Variants in RAD50 observed in about 807,000 individuals in gnomAD.
RAD50 encodes RAD50 double strand break repair protein.
Under a neutral mutation model 168.8 loss-of-function variants are expected in RAD50, and 132 were observed. The ratio of observed to expected loss-of-function variants is 0.78; its 90% confidence interval spans 0.68 to 0.90. The LOEUF (loss-of-function observed/expected upper bound fraction) is 0.90. Among genes scored for constraint, RAD50 ranks in the 40% least tolerant of loss-of-function variants. The probability of loss-of-function intolerance (pLI) is 0.00; values close to 1 mark genes in which losing one functional copy is unlikely to be tolerated. For missense variants in RAD50, 1,347 were observed against 1,534.4 expected (o/e 0.88, Z 2.04); for synonymous variants, 525 against 497.4 (o/e 1.06, Z -0.74).
At chr5:132,575,974 T>G (rs1750392723) in intron 3 of RAD50, 46 bp downstream of exon 3, 1 of 1,529,450 alleles carries the variant, frequency 6.5e-7, no homozygotes, top group Admixed American at 1.8e-5. Context: ...TTTCAGTCTT[T>G]TAGGTCTGTA....
intron 14 of RAD50, 79 bp from the exon 15 acceptor site, chr5:132,603,838 AATG>A (rs1487529286): frequency 9.5e-6 from 12 of 1,269,386 alleles, no homozygotes; most frequent in South Asian, 2.7e-5. Context: ...TTAAAAAATA[AATG>A]ATAAGAGCAA....
At chr5:132,585,053 C>A (rs1750571831) in intron 5 of RAD50, among the ~76,000 whole-genome samples, 2 of 152,072 alleles carry the variant, frequency 1.3e-5, no homozygotes, top group African/African-American at 4.8e-5. Flanking sequence ...ACATATGTAA[C>A]AAACCTGCAT....
intron 12 of RAD50, 111 bp from the exon 13 acceptor site, chr5:132,595,462 T>C (rs1039070228): frequency 1.5e-6 from 1 of 656,482 alleles, no homozygotes; most frequent in African/African-American, 1.9e-5. Flanking sequence ...TTATAATATA[T>C]TTATAAAGCA....
intron 1 of RAD50, among the ~76,000 whole-genome samples, chr5:132,558,579 C>T (rs1032244601): frequency 3.3e-5 from 5 of 151,874 alleles, no homozygotes; most frequent in African/African-American, 7.3e-5. Flanking sequence ...GGCGTGGTGG[C>T]GCATGCCTGT....
At chr5:132,597,143 C>T (rs1750805410) in intron 13 of RAD50, among the ~76,000 whole-genome samples, 1 of 152,000 alleles carries the variant, frequency 6.6e-6, no homozygotes, top group Admixed American at 6.6e-5. Context: ...CTGAAACAGG[C>T]TGAGAAAAGC....
At chr5:132,571,286 G>T (rs988352587) in intron 2 of RAD50, among the ~76,000 whole-genome samples, 1 of 152,130 alleles carries the variant, frequency 6.6e-6, no homozygotes, top group Non-Finnish European at 1.5e-5. Flanking sequence ...TAGATGCAGG[G>T]TTGCCACAAA....
At chr5:132,579,148 A>G (rs1202208476) in intron 3 of RAD50, among the ~76,000 whole-genome samples, 169 bp from the exon 4 acceptor site, 1 of 152,148 alleles carries the variant, frequency 6.6e-6, no homozygotes, top group African/African-American at 2.4e-5. Flanking sequence ...GTGAACCGTT[A>G]AATAGTTTAA....
At chr5:132,634,613 A>G (rs1027801641) in intron 21 of RAD50, among the ~76,000 whole-genome samples, 4 of 152,098 alleles carry the variant, frequency 2.6e-5, no homozygotes, top group Non-Finnish European at 5.9e-5. Flanking sequence ...AGCAGCCATA[A>G]TAGGAGGCAT....
intron 19 of RAD50, among the ~76,000 whole-genome samples, chr5:132,609,654 C>T (rs1415861593): frequency 3.3e-5 from 5 of 152,046 alleles, no homozygotes; most frequent in Admixed American, 3.3e-4. Context: ...TGGCGGCGCG[C>T]ACCTGTAGTC....
intron 16 of RAD50, among the ~76,000 whole-genome samples, chr5:132,607,754 A>T (rs901111056): frequency 2.0e-5 from 3 of 152,204 alleles, no homozygotes; most frequent in Non-Finnish European, 4.4e-5. Context: ...TAGGAAGCAG[A>T]GTTGATTTTC....
intron 13 of RAD50, among the ~76,000 whole-genome samples, chr5:132,598,306 T>C (rs1325518022): frequency 1.3e-5 from 2 of 152,154 alleles, no homozygotes; most frequent in Admixed American, 1.3e-4. Context: ...TGCCTCAGCC[T>C]CCCAAAGTGC....
intron 16 of RAD50, among the ~76,000 whole-genome samples, chr5:132,606,374 A>G (rs996332282): frequency 3.9e-5 from 6 of 152,204 alleles, no homozygotes; most frequent in African/African-American, 1.4e-4. Flanking sequence ...AAAATAATAA[A>G]TGGATAAATT....
At chr5:132,612,898 C>CAGAG (rs1251998701) in intron 19 of RAD50, among the ~76,000 whole-genome samples, 1 of 152,020 alleles carries the variant, frequency 6.6e-6, no homozygotes, top group African/African-American at 2.4e-5. Context: ...GGGGTTTGGG[C>CAGAG]AGAGATATGT....
chr5:132,562,790 A>G (rs564949494), intron 2 of RAD50, among the ~76,000 whole-genome samples: 1 of 152,294 alleles, frequency 6.6e-6, no homozygotes, highest in Admixed American at 6.5e-5. Flanking sequence ...GAATATGGAA[A>G]AGATATTCAA....
intron 24 of RAD50, chr5:132,641,813 C>T: frequency 5.1e-6 from 1 of 195,654 alleles, no homozygotes; most frequent in Non-Finnish European, 1.0e-5. Flanking sequence ...CAGGAAAATC[C>T]CAGGCGAAGG....
chr5:132,609,487 C>T, intron 19 of RAD50, 91 bp downstream of exon 19: 1 of 1,547,350 alleles, frequency 6.5e-7, no homozygotes, highest in Non-Finnish European at 8.8e-7. Context: ...AATAGAAATG[C>T]AAAAAGGAAA....
rs183507248 is a variant in RAD50 at position 132,575,118 on chromosome 5, G to A, written c.214-659G>A. On this transcript the variant is annotated intron_variant, in intron 2 of 24. Transcript: ENST00000378823. The stretch of plus-strand genomic sequence containing the variant: ...TGGTACCAATTTACTGTATGAGTCC[G>A]TTTTCACACTGCTAATAAAGATATA... Among the ~76,000 whole-genome samples, 32 of 152,212 alleles carry A rather than the reference G, an allele frequency of 2.1e-4. No individual in the cohort carries two copies. The East Asian group carries it at 5.8e-3, about 28-fold the overall frequency.
At chr5:132,587,749 T>C (rs1165300190) in intron 6 of RAD50, 59 bp downstream of exon 6, 2 of 1,607,822 alleles carry the variant, frequency 1.2e-6, no homozygotes, top group Non-Finnish European at 1.7e-6. Flanking sequence ...TAATGAACTT[T>C]ATTTGAATCC....
chr5:132,589,553 A>G (rs1750659066), intron 8 of RAD50, 78 bp from the exon 9 acceptor site: 2 of 1,137,550 alleles, frequency 1.8e-6, no homozygotes, highest in Non-Finnish European at 1.2e-6. Context: ...TCTTCAGTGT[A>G]CATATATTCC....
Sources: allele counts gnomAD v4.1 joint callset (sites outside exome capture counted in the v4.1 genomes callset), GRCh38; gene constraint gnomAD v4.1.1; transcripts MANE v1.5; gene names NCBI Gene and HGNC (gene_info 2026-07-23, HGNC 2026-07-21).